TNS3: variants seen among roughly 807,000 people sequenced by gnomAD.
The protein encoded by TNS3 is tensin 3.
In TNS3, 45 loss-of-function variants were observed where a neutral mutation model predicts 140.9. That is an observed-to-expected ratio of 0.32 (90% CI 0.25 to 0.41). The LOEUF (loss-of-function observed/expected upper bound fraction) is 0.41, where lower values mean the gene tolerates loss of function less well. TNS3 is among the 10% of genes least tolerant of loss of function. TNS3 has a pLI of 1.00. For synonymous variants in TNS3, 815 were observed against 788.4 expected (o/e 1.03, Z -0.56); for missense variants, 1,716 against 1,906.7 (o/e 0.90, Z 1.86).
intron 2 of TNS3, among the ~76,000 whole-genome samples, chr7:47,511,711 G>C (rs1420863014): frequency 6.6e-6 from 1 of 152,044 alleles, no homozygotes; most frequent in African/African-American, 2.4e-5. Context: ...AGGGGCTTCT[G>C]GCGAAGGCCT....
chr7:47,283,649 A>G lies in TNS3; in HGVS notation c.4097+48T>C, dbSNP rs749321598. The G allele has an allele frequency of 6.8e-6, 10 of 1,474,938 alleles. No homozygotes were observed. The Admixed American group carries it at 1.2e-4, about 18-fold the overall frequency. The allele number at this position is 1,474,938 out of a possible 1,614,324, so 91.4% of individuals were successfully genotyped here. On this transcript the variant is annotated intron_variant, in intron 28 of 30. Transcript: ENST00000311160. Reference sequence around the variant, plus strand: ...ACTAGGGAAGAACAAGAGGAACGTGACAGCCCCGCCCCTGCTGGACGGCTC... The same window carrying G: ...ACTAGGGAAGAACAAGAGGAACGTGGCAGCCCCGCCCCTGCTGGACGGCTC...
chr7:47,323,170 A>C (rs915358614), intron 20 of TNS3, among the ~76,000 whole-genome samples: 23 of 152,112 alleles, frequency 1.5e-4, no homozygotes, highest in Admixed American at 1.4e-3. Context: ...ATCTGTGCAT[A>C]CCTTTTCACC....
chr7:47,283,663 G>T (rs554738747), intron 28 of TNS3, 34 bp downstream of exon 28: 14 of 1,509,204 alleles, frequency 9.3e-6, no homozygotes, highest in Non-Finnish European at 1.1e-5. Context: ...CCCCGCCCCT[G>T]CTGGACGGCT....
intron 1 of TNS3, among the ~76,000 whole-genome samples, chr7:47,563,539 T>C (rs1485097922): frequency 6.6e-6 from 1 of 152,142 alleles, no homozygotes; most frequent in Non-Finnish European, 1.5e-5. Flanking sequence ...ACCAATCCTA[T>C]CCTGGGGAGA....
intron 2 of TNS3, among the ~76,000 whole-genome samples, chr7:47,521,100 A>G (rs1215700141): frequency 2.0e-5 from 3 of 152,124 alleles, no homozygotes; most frequent in African/African-American, 7.2e-5. Context: ...GCATCATAGT[A>G]GGGGCAGTCG....
intron 3 of TNS3, among the ~76,000 whole-genome samples, chr7:47,501,558 G>C (rs961889914): frequency 6.6e-6 from 1 of 152,190 alleles, no homozygotes; most frequent in Non-Finnish European, 1.5e-5. Flanking sequence ...GACAGGGTAA[G>C]GTCTGGACAT....
intron 16 of TNS3, among the ~76,000 whole-genome samples, chr7:47,390,866 G>T (rs913975010): frequency 6.6e-6 from 1 of 152,154 alleles, no homozygotes; most frequent in Non-Finnish European, 1.5e-5. Flanking sequence ...CTTAGCTGGG[G>T]AGTCCAGAAG....
rs1309671780 is a variant in TNS3, at chr7:47,293,749, C to T, written c.3756G>A (p.Ser1252=). 9 of 1,614,014 alleles carry T rather than the reference C, an allele frequency of 5.6e-6. No homozygotes were observed. Among genetic ancestry groups the T allele is most frequent in the Admixed American group, 1.7e-5 (1 of 60,002 alleles). The change falls in exon 25 of 31, where the codon TCG becomes TCA. Residue 1252 remains serine, a synonymous_variant. Transcript: ENST00000311160. ...TPKGVRLKGC[S]NEPYFGSLTA... is the part of the protein sequence containing the mutation. ...GCAACTCACCGAAATATGGTTCATT[C>T]GAGCACCCTTTCAACCGCACTCCCT... is the stretch of plus-strand genomic sequence containing the variant.
At chr7:47,439,393 C>T in intron 6 of TNS3, 94 bp downstream of exon 6, 4 of 1,400,278 alleles carry the variant, frequency 2.9e-6, no homozygotes, top group Non-Finnish European at 3.9e-6. Context: ...GAGCTTCTCC[C>T]TCATGTGTAA....
In TNS3 at chr7:47,346,257, G is replaced by A. The variant is rs1316620730; in HGVS notation, c.2381C>T (p.Ala794Val). The stretch of plus-strand genomic sequence containing the variant: ...ATAGTCCACACCAGCCTTTCCCCAT[G>A]CACATTTGGAGAAGGGCAGCTGCCC... ...AGGQLPFSKC[A>V]WGKAGVDYAP... The change falls in exon 18 of 31, where the codon GCA (alanine) becomes GTA (valine). Residue 794 changes from alanine to valine, a missense_variant. Physicochemically the swap from Ala to Val is moderately conservative, Grantham distance 64 (BLOSUM62 0). Transcript: ENST00000311160. The A allele has an allele frequency of 3.7e-6, 6 of 1,614,088 alleles. No homozygotes were observed. The highest frequency in any genetic ancestry group is 5.1e-6 in the Non-Finnish European group (6 of 1,180,050).
chr7:47,439,980 G>T (rs1217230420), intron 5 of TNS3, among the ~76,000 whole-genome samples: 3 of 152,152 alleles, frequency 2.0e-5, no homozygotes, highest in African/African-American at 7.2e-5. Flanking sequence ...AAGGCGGGAA[G>T]GACTCTTTGT....
chr7:47,487,215 C>T (rs1167829772), intron 3 of TNS3, among the ~76,000 whole-genome samples: 2 of 151,886 alleles, frequency 1.3e-5, no homozygotes, highest in Non-Finnish European at 2.9e-5. Context: ...AGGAGAATTG[C>T]TTGAACCTGG....
chr7:47,425,444 G>A (rs1794597189), intron 9 of TNS3, among the ~76,000 whole-genome samples: 1 of 152,166 alleles, frequency 6.6e-6, no homozygotes, highest in African/African-American at 2.4e-5. Context: ...CTGGTAGAGA[G>A]ACAGGCAGGA....
chr7:47,340,147 C>T (rs1370218788), intron 20 of TNS3, among the ~76,000 whole-genome samples: 9 of 49,792 alleles, frequency 1.8e-4, no homozygotes, highest in South Asian at 1.4e-3. Context: ...TTTTTTGAGA[C>T]GGAGTCTAGC....
In TNS3 at chr7:47,533,123, A is replaced by ATATATT. The variant is rs1186427934; in HGVS notation, c.-264-3977_-264-3976insAATATA. Among the ~76,000 whole-genome samples the ATATATT allele has an allele frequency of 7.9e-4, 70 of 88,824 alleles. 1 individual carries two copies. The highest frequency in any genetic ancestry group is 2.8e-3 in the African/African-American group (45 of 16,004). The allele number at this position is 88,824 out of a possible 152,430, so 58.3% of individuals were successfully genotyped here. A position where few individuals can be genotyped will look rare whatever the true frequency, so the allele number is the denominator to read the frequency against. ...AGATTTTATATATATATATATATAT[A>ATATATT]TTTTTTTTTTTTTTTTTTTTTTTTT... is the stretch of plus-strand genomic sequence containing the variant. On this transcript the variant is annotated intron_variant, in intron 1 of 30. Transcript: ENST00000311160.
chr7:47,356,036 C>T (rs1000123272), intron 17 of TNS3, among the ~76,000 whole-genome samples: 1 of 152,166 alleles, frequency 6.6e-6, no homozygotes, highest in Non-Finnish European at 1.5e-5. Flanking sequence ...CCCATGGGGT[C>T]GCCTGCCTCT....
intron 2 of TNS3, among the ~76,000 whole-genome samples, chr7:47,512,615 A>C (rs562359128): frequency 3.8e-4 from 58 of 152,336 alleles, no homozygotes; most frequent in African/African-American, 1.3e-3. Flanking sequence ...TGACCGACAG[A>C]CATGCGCGGT....
At chr7:47,374,695 G>C (rs781143507) in intron 16 of TNS3, among the ~76,000 whole-genome samples, 3 of 152,194 alleles carry the variant, frequency 2.0e-5, no homozygotes, top group African/African-American at 7.2e-5. Flanking sequence ...CCCCAAAGGC[G>C]CTGATCCATC....
chr7:47,340,955 G>C lies in TNS3; in HGVS notation c.2650+3800C>G, dbSNP rs183094065. 1.9e-3 allele frequency among the ~76,000 whole-genome samples: 284 copies of C among 152,252 alleles called. 1 individual carries two copies. Among genetic ancestry groups the C allele is most frequent in the African/African-American group, 6.4e-3 (266 of 41,558 alleles). On this transcript the variant is annotated intron_variant, in intron 20 of 30. Coordinates refer to ENST00000311160, the MANE Select transcript of TNS3 (RefSeq NM_022748.12). ...GGAAGTTTTGAGTCATGAATGATGT[G>C]AATTTTGCCAAACTCTTTTTATTCT...
Sources: gnomAD v4.1 joint callset for allele counts (sites outside exome capture counted in the v4.1 genomes callset) on GRCh38, gnomAD v4.1.1 for gene constraint, MANE v1.5 for transcripts, NCBI Gene and HGNC (gene_info 2026-07-23, HGNC 2026-07-21) for gene names.